CPZ: variants seen among roughly 807,000 people sequenced by gnomAD.
The protein encoded by CPZ is VEZT/CPZ fusion.
CPZ carries 103 observed loss-of-function variants against 61.8 expected under a neutral mutation model. The observed-to-expected ratio is 1.67, with a 90% CI of 1.42 to 1.96. The LOEUF (loss-of-function observed/expected upper bound fraction) is 1.96, where lower values mean the gene tolerates loss of function less well. Among genes scored for constraint, CPZ ranks in the 30% most tolerant of loss-of-function variants. CPZ has a pLI of 0.00. For missense variants in CPZ, 1,461 were observed against 914.9 expected (o/e 1.60, Z -7.70); for synonymous variants, 551 against 373.7 (o/e 1.47, Z -5.47).
intron 2 of CPZ, chr4:8,600,054 A>G (rs1402980450): frequency 6.6e-6 from 1 of 152,296 alleles, no homozygotes; most frequent in Non-Finnish European, 1.5e-5. Flanking sequence ...GTGTATTCTA[A>G]GTGGAGGCTT....
At chr4:8,607,859 G>A (rs972152177) in intron 7 of CPZ, among the ~76,000 whole-genome samples, 3 of 152,138 alleles carry the variant, frequency 2.0e-5, no homozygotes, top group African/African-American at 7.2e-5. Flanking sequence ...GGTCGTGCTT[G>A]CTTCTCACGT....
chr4:8,611,694 A>G (rs1322733049), intron 7 of CPZ, among the ~76,000 whole-genome samples: 1 of 152,018 alleles, frequency 6.6e-6, no homozygotes, highest in East Asian at 1.9e-4. Context: ...CAACCTGCAC[A>G]CACCCTGTGG....
intron 4 of CPZ, among the ~76,000 whole-genome samples, chr4:8,605,594 T>TTGA: frequency 1.9e-5 from 2 of 104,644 alleles, no homozygotes; most frequent in South Asian, 6.9e-4. Flanking sequence ...CAGCCAGCCA[T>TTGA]TATTCATCCA....
intron 7 of CPZ, among the ~76,000 whole-genome samples, chr4:8,609,197 C>CCCTCATTCACTT (rs1715383286): frequency 8.1e-6 from 1 of 123,936 alleles, no homozygotes; most frequent in African/African-American, 2.7e-5. Context: ...TTCACTCACT[C>CCCTCATTCACTT]CCTCACTCAC....
rs111952288 is a variant in CPZ, at chr4:8,613,704, GCA to G, written c.1364-652_1364-651del. 5.3e-5 allele frequency among the ~76,000 whole-genome samples: 8 copies of G among 152,358 alleles called. No homozygotes were observed. The East Asian group carries it at 9.7e-4, about 18-fold the overall frequency. On this transcript the variant is annotated intron_variant, in intron 8 of 10. Coordinates refer to ENST00000360986, the MANE Select transcript of CPZ (RefSeq NM_001014447.3). ...GAACAAGAAGCTCCAAGAGCAGATG[GCA>G]CAGAGGGCAGAAGCGGGTATGGCTG...
chr4:8,610,142 C>T (rs1363146854), intron 7 of CPZ, among the ~76,000 whole-genome samples: 1 of 152,196 alleles, frequency 6.6e-6, no homozygotes, highest in Non-Finnish European at 1.5e-5. Context: ...GCTGGGTGGG[C>T]TGGGTTTCCC....
chr4:8,614,641 G>A (rs1300589050), intron 9 of CPZ, 143 bp downstream of exon 9: 2 of 851,012 alleles, frequency 2.4e-6, no homozygotes, highest in Admixed American at 3.0e-5. Context: ...GGGGTTAACT[G>A]TCCACCATGC....
chr4:8,618,554 G>GA, intron 10 of CPZ, 26 bp downstream of exon 10: 1 of 1,604,130 alleles, frequency 6.2e-7, no homozygotes, highest in Non-Finnish European at 8.5e-7. Context: ...GCTGTCCCCT[G>GA]GGGACCACGT....
At position 8,606,743 on chromosome 4, in the gene CPZ, G is replaced by T. The variant is rs757392661; in HGVS notation, c.913G>T (p.Gly305Cys). ...GGGTTGGCCATGTTTTCAGGGTGCC[G>T]GCTACAACGGGTGGACGAGCGGGAG... ...GYEVAAAEGAGYNGWTSGRQN... is the reference protein window; with the variant it reads ...GYEVAAAEGACYNGWTSGRQN... The change falls in exon 6 of 11, where the codon GGC (glycine) becomes TGC (cysteine). Residue 305 changes from glycine to cysteine, a missense_variant. Transcript: ENST00000360986. 2 of 1,614,000 alleles carry T rather than the reference G, an allele frequency of 1.2e-6. No homozygotes were observed. Among genetic ancestry groups the T allele is most frequent in the African/African-American group, 1.3e-5 (1 of 74,930 alleles).
At chr4:8,597,369 C>T (rs559870320) in intron 1 of CPZ, 1 of 152,272 alleles carries the variant, frequency 6.6e-6, no homozygotes, top group Non-Finnish European at 1.5e-5. Flanking sequence ...TTTTTTCATT[C>T]CTTTTTTCCT....
rs912646521 is a variant in CPZ at position 8,603,582 on chromosome 4, T to G, written c.497-394T>G. ...AAGCAAATGAAGCAGAATACTGAACTGCCTGAGTGCCACTGTCATGGAAAA... is the reference window on the plus strand; with the variant it reads ...AAGCAAATGAAGCAGAATACTGAACGGCCTGAGTGCCACTGTCATGGAAAA... On this transcript the variant is annotated intron_variant, in intron 3 of 10. Coordinates refer to ENST00000360986, the MANE Select transcript of CPZ (RefSeq NM_001014447.3). The G allele has an allele frequency of 2.1e-5, 5 of 242,632 alleles. No homozygotes were observed. The South Asian group carries it at 2.7e-4, about 13-fold the overall frequency. 15.0% of individuals were successfully genotyped at this position (242,632 alleles called of 1,614,324 possible).
intron 3 of CPZ, 145 bp from the exon 4 acceptor site, chr4:8,603,817 TGTAGGCACTGCAGA>T: frequency 1.5e-6 from 1 of 662,614 alleles, no homozygotes. Context: ...TAGATATCGT[TGTAGGCACTGCAGA>T]GGGAACTCTA....
chr4:8,610,226 G>A (rs1325592137), intron 7 of CPZ, among the ~76,000 whole-genome samples: 1 of 152,188 alleles, frequency 6.6e-6, no homozygotes, highest in Non-Finnish European at 1.5e-5. Flanking sequence ...TCATTTATCT[G>A]TGTCTCTTCC....
intron 7 of CPZ, among the ~76,000 whole-genome samples, chr4:8,608,869 G>A (rs907326358): frequency 3.9e-5 from 6 of 152,194 alleles, no homozygotes; most frequent in African/African-American, 1.4e-4. Flanking sequence ...GGCCCATGCC[G>A]AGTGCTGTGG....
chr4:8,611,003 TTCACTCAC>T (rs760333886), intron 7 of CPZ, among the ~76,000 whole-genome samples: 2 of 89,114 alleles, frequency 2.2e-5, no homozygotes, highest in South Asian at 2.7e-4. Flanking sequence ...CTTTCACTCA[TTCACTCAC>T]TCATTCACTC....
At chr4:8,598,967 GA>G (rs1471486324) in intron 1 of CPZ, among the ~76,000 whole-genome samples, 1 of 152,236 alleles carries the variant, frequency 6.6e-6, no homozygotes, top group African/African-American at 2.4e-5. Flanking sequence ...CTGACTCTGG[GA>G]GGGGCCTGGG....
chr4:8,617,831 C>T (rs946331524), intron 9 of CPZ, among the ~76,000 whole-genome samples: 16 of 152,172 alleles, frequency 1.1e-4, no homozygotes, highest in African/African-American at 3.6e-4. Flanking sequence ...GAAATGTGGA[C>T]AGGATCAGGC....
rs79710873 is a variant in CPZ at position 8,618,382 on chromosome 4, G to A, written c.1504-47G>A. On this transcript the variant is annotated intron_variant, in intron 9 of 10. Coordinates refer to ENST00000360986, the MANE Select transcript of CPZ (RefSeq NM_001014447.3). ...AACGAGCTGACGGCCTCCACGCTCA[G>A]CAGGAGAGCTCACGCCATCTCCCTG... 3.3e-3 allele frequency: 5,207 copies of A among 1,579,930 alleles called. 162 individuals are homozygous for A. The African/African-American group carries it at 0.058, about 18-fold the overall frequency.
Position 8,619,658 on chromosome 4 carries a change from C to T in CPZ, c.*41C>T, listed in dbSNP as rs1213760213. On this transcript the variant is annotated 3_prime_UTR_variant, in exon 11 of 11. Transcript: ENST00000360986. ...CCGCCAGGATGTGGAGACCGAGGCCCATCTCCGCATCCCGGGCTCCTGGCT... is the reference window on the plus strand; with the variant it reads ...CCGCCAGGATGTGGAGACCGAGGCCTATCTCCGCATCCCGGGCTCCTGGCT... The T allele has an allele frequency of 2.9e-6, 4 of 1,400,550 alleles. No individual in the cohort carries two copies. Among genetic ancestry groups the T allele is most frequent in the Admixed American group, 5.6e-5 (2 of 35,636 alleles). 86.8% of individuals were successfully genotyped at this position (1,400,550 alleles called of 1,614,324 possible).
Sources: allele counts gnomAD v4.1 joint callset (sites outside exome capture counted in the v4.1 genomes callset), GRCh38; gene constraint gnomAD v4.1.1; transcripts MANE v1.5; gene names NCBI Gene and HGNC (gene_info 2026-07-23, HGNC 2026-07-21).